BANP: variants seen among roughly 807,000 people sequenced by gnomAD.
BANP encodes the protein BTG3 associated nuclear protein.
In BANP, 11 loss-of-function variants were observed where a neutral mutation model predicts 68.1. That is an observed-to-expected ratio of 0.16 (90% confidence interval 0.10 to 0.27). The LOEUF is 0.27. Among genes scored for constraint, BANP ranks in the 10% least tolerant of loss-of-function variants. The probability of loss-of-function intolerance (pLI) is 1.00; values close to 1 mark genes in which losing one functional copy is unlikely to be tolerated. For synonymous variants in BANP, 329 were observed against 303.2 expected (o/e 1.09, Z -0.88); for missense variants, 504 against 722.7 (o/e 0.70, Z 3.47).
chr16:87,973,710 G>A lies in BANP; in HGVS notation c.-68-1338G>A, dbSNP rs1207549851. 2.2e-5 allele frequency among the ~76,000 whole-genome samples: 3 copies of A among 135,908 alleles called. No individual in the cohort carries two copies. The Admixed American group carries it at 2.6e-4, about 12-fold the overall frequency. The allele number at this position is 135,908 out of a possible 152,430, so 89.2% of individuals were successfully genotyped here. On this transcript the variant is annotated intron_variant, in intron 1 of 13. Transcript: ENST00000682872. Reference sequence around the variant, plus strand: ...GGAGGTGGAGGTAAGCCGAGATTGCGCCATTGCATTCCAGCCTGGGCAACA... The same window carrying A: ...GGAGGTGGAGGTAAGCCGAGATTGCACCATTGCATTCCAGCCTGGGCAACA...
intron 6 of BANP, among the ~76,000 whole-genome samples, chr16:88,016,681 C>G (rs1016996319): frequency 6.6e-6 from 1 of 152,218 alleles, no homozygotes; most frequent in Admixed American, 6.5e-5. Context: ...AGAGCCCTTG[C>G]CATGAGACTC....
At chr16:87,972,278 C>T (rs932701745) in intron 1 of BANP, among the ~76,000 whole-genome samples, 1 of 151,918 alleles carries the variant, frequency 6.6e-6, no homozygotes, top group Non-Finnish European at 1.5e-5. Flanking sequence ...GTTTAATCTT[C>T]ATTTCTGAAG....
chr16:87,986,384 T>C (rs111838212), intron 4 of BANP, among the ~76,000 whole-genome samples: 2,087 of 152,258 alleles, frequency 0.014, 43 homozygotes, highest in African/African-American at 0.046. Context: ...GGGGAGAGGT[T>C]CCTCTGTGAA....
chr16:88,019,326 A>G (rs1043631795), intron 7 of BANP, among the ~76,000 whole-genome samples: 7 of 152,112 alleles, frequency 4.6e-5, no homozygotes, highest in African/African-American at 1.4e-4. Context: ...CGTCTGCTTC[A>G]GAAGCCGTCC....
rs146496421 is a variant in BANP at position 88,038,692 on chromosome 16, C to T, written c.1311+681C>T. On this transcript the variant is annotated intron_variant, in intron 11 of 13. Transcript: ENST00000682872. The stretch of plus-strand genomic sequence containing the variant: ...GTCTCTACAAAATGACGTGCTCCGA[C>T]GGTGCGGGTCCTGGGGAGGGTGTTG... Among the ~76,000 whole-genome samples, 176 of 152,230 alleles carry T rather than the reference C, an allele frequency of 1.2e-3. 3 individuals carry two copies. The East Asian group carries it at 0.029, about 25-fold the overall frequency.
intron 11 of BANP, among the ~76,000 whole-genome samples, chr16:88,040,330 C>A (rs1383370009): frequency 6.6e-6 from 1 of 151,722 alleles, no homozygotes; most frequent in Non-Finnish European, 1.5e-5. Context: ...CAGGCTTCGT[C>A]CTCCGGGCTG....
intron 4 of BANP, among the ~76,000 whole-genome samples, chr16:87,993,019 T>C (rs2066286301): frequency 1.3e-5 from 2 of 152,224 alleles, no homozygotes. Context: ...TTTTGGCGAC[T>C]TTTTGAGGAG....
intron 8 of BANP, among the ~76,000 whole-genome samples, chr16:88,029,145 A>G (rs1216865678): frequency 1.3e-5 from 2 of 151,952 alleles, no homozygotes; most frequent in Non-Finnish European, 2.9e-5. Flanking sequence ...CGTCTCTACT[A>G]AAAATACAAA....
chr16:87,983,915 T>C, intron 3 of BANP, 145 bp from the exon 4 acceptor site: 1 of 1,290,464 alleles, frequency 7.7e-7, no homozygotes, highest in East Asian at 2.6e-5. Context: ...TTCTGGCTCA[T>C]AGCTCACGGG....
chr16:88,062,958 C>T (rs2035560444), intron 11 of BANP, among the ~76,000 whole-genome samples: 1 of 152,200 alleles, frequency 6.6e-6, no homozygotes, highest in Non-Finnish European at 1.5e-5. Context: ...GGGACCCTGG[C>T]GTGACCTCAT....
intron 6 of BANP, among the ~76,000 whole-genome samples, chr16:88,010,019 G>A (rs1454976296): frequency 6.6e-6 from 1 of 152,010 alleles, no homozygotes; most frequent in Non-Finnish European, 1.5e-5. Context: ...GAATAAGGAC[G>A]GTAGTTCCTG....
Position 88,076,996 on chromosome 16 carries a change from C to A in BANP, c.*335C>A. On this transcript the variant is annotated 3_prime_UTR_variant, in exon 14 of 14. Transcript: ENST00000682872. ...TTTTAATTTGCTATGGTGTTTATAA[C>A]AAAAAAGAAAATTTGAAAAAAAAAA... 2 of 246,774 alleles carry A rather than the reference C, an allele frequency of 8.1e-6. No individual in the cohort carries two copies. Among genetic ancestry groups the A allele is most frequent in the Non-Finnish European group, 7.9e-6 (1 of 126,862 alleles). 15.3% of individuals were successfully genotyped at this position (246,774 alleles called of 1,614,324 possible). A position where few individuals can be genotyped will look rare whatever the true frequency, so the allele number is the denominator to read the frequency against.
intron 1 of BANP, among the ~76,000 whole-genome samples, chr16:87,951,943 G>A (rs956899694): frequency 6.6e-6 from 1 of 152,180 alleles, no homozygotes; most frequent in Admixed American, 6.5e-5. Flanking sequence ...CCAGCCAGGC[G>A]GGAGCGACAG....
rs372945000 is a variant in BANP, at chr16:88,019,260, G to C, written c.895+593G>C. On this transcript the variant is annotated intron_variant, in intron 7 of 13. Transcript: ENST00000682872. ...GCGGTACTGCCCTTCAATGGCGTTTGATGGGCGCTCAGGTCCTCCTTGCCA... is the reference window on the plus strand; with the variant it reads ...GCGGTACTGCCCTTCAATGGCGTTTCATGGGCGCTCAGGTCCTCCTTGCCA... Among the ~76,000 whole-genome samples the C allele has an allele frequency of 6.6e-5, 10 of 152,310 alleles. No homozygotes were observed. In the East Asian group the frequency reaches 1.6e-3, roughly 24 times the overall value.
At chr16:88,052,979 C>T (rs1022094373) in intron 11 of BANP, among the ~76,000 whole-genome samples, 7 of 151,422 alleles carry the variant, frequency 4.6e-5, no homozygotes, top group Non-Finnish European at 1.0e-4. Flanking sequence ...ATCATACCAC[C>T]ACAACCACTT....
intron 11 of BANP, among the ~76,000 whole-genome samples, chr16:88,047,526 G>C (rs1329757550): frequency 6.6e-6 from 1 of 152,158 alleles, no homozygotes; most frequent in Non-Finnish European, 1.5e-5. Flanking sequence ...GGAGCTCAAA[G>C]ATCAGTGCCC....
chr16:87,954,715 C>A (rs925852215), intron 1 of BANP, among the ~76,000 whole-genome samples: 1 of 152,242 alleles, frequency 6.6e-6, no homozygotes, highest in Non-Finnish European at 1.5e-5. Context: ...CACGCCTGTG[C>A]CCCCGGTGCT....
Position 87,969,052 on chromosome 16 carries a change from C to T in BANP, c.-68-5996C>T, listed in dbSNP as rs766048962. 4.3e-4 allele frequency among the ~76,000 whole-genome samples: 66 copies of T among 152,108 alleles called. 2 individuals carry two copies. The highest frequency in any genetic ancestry group is 4.3e-4 in the African/African-American group (18 of 41,422). On this transcript the variant is annotated intron_variant, in intron 1 of 13. Coordinates refer to ENST00000682872, the MANE Select transcript of BANP (RefSeq NM_001386991.1). ...CATACTTCTTAAAAATAAAGCATGT[C>T]GTCTGCACTGCCCTCGTCCACACTG...
chr16:88,064,981 T>C lies in BANP; in HGVS notation c.1312-286T>C, dbSNP rs886321702. 6.6e-6 allele frequency among the ~76,000 whole-genome samples: 1 copy of C among 152,228 alleles called. No individual in the cohort carries two copies. Among genetic ancestry groups the C allele is most frequent in the Non-Finnish European group, 1.5e-5 (1 of 68,036 alleles). ...CTCCTACAGTACAAACTCTTTCTAA[T>C]GGAAAAAAGCGGTTGCTCTCCCTGC... On this transcript the variant is annotated intron_variant, in intron 11 of 13. Transcript: ENST00000682872. This position sits in a 1 kb window ranked among gnomAD's most constrained non-coding sequence, Gnocchi z 4.5.
Sources: allele counts gnomAD v4.1 joint callset (sites outside exome capture counted in the v4.1 genomes callset), GRCh38; gene constraint gnomAD v4.1.1; non-coding constraint Gnocchi (gnomAD v3.1); transcripts MANE v1.5; gene names NCBI Gene and HGNC (gene_info 2026-07-23, HGNC 2026-07-21).